Variants in SLC30A9 observed in about 807,000 individuals in gnomAD.
SLC30A9 encodes solute carrier family 30 member 9, also known as proton-coupled zinc antiporter SLC30A9, mitochondrial.
Under a neutral mutation model 87.5 loss-of-function variants are expected in SLC30A9, and 58 were observed. That is an observed-to-expected ratio of 0.66 (90% confidence interval 0.54 to 0.82). SLC30A9 has a LOEUF of 0.82. Among genes scored for constraint, SLC30A9 ranks in the 40% least tolerant of loss-of-function variants. SLC30A9 has a pLI of 0.00. For synonymous variants in SLC30A9, 234 were observed against 233.0 expected, an observed-to-expected ratio of 1.00 and a Z score of -0.04; for missense variants, 557 against 679.1, an observed-to-expected ratio of 0.82 and a Z score of 2.00.
intron 17 of SLC30A9, among the ~76,000 whole-genome samples, chr4:42,082,462 C>G (rs1718776544): frequency 1.3e-5 from 2 of 152,106 alleles, no homozygotes. Context: ...TTTGGGAGGT[C>G]ACACTCATTT....
intron 11 of SLC30A9, among the ~76,000 whole-genome samples, chr4:42,063,625 G>T (rs959438210): frequency 7.2e-5 from 11 of 152,314 alleles, no homozygotes; most frequent in African/African-American, 2.6e-4. Context: ...TGGGGCTTCT[G>T]CCCCTCTCTC....
chr4:42,070,770 C>A, intron 15 of SLC30A9, 79 bp downstream of exon 15: 1 of 1,223,464 alleles, frequency 8.2e-7, no homozygotes, highest in African/African-American at 1.5e-5. Context: ...GTAAATACTT[C>A]CAGAGGAAGT....
chr4:42,014,438 T>G (rs1049627814), intron 2 of SLC30A9, among the ~76,000 whole-genome samples: 3 of 151,884 alleles, frequency 2.0e-5, no homozygotes, highest in Non-Finnish European at 4.4e-5. Flanking sequence ...GTGCCTGTAG[T>G]CCCAGCTACT....
intron 9 of SLC30A9, among the ~76,000 whole-genome samples, chr4:42,056,828 G>A (rs1181422186): frequency 6.6e-6 from 1 of 152,154 alleles, no homozygotes; most frequent in African/African-American, 2.4e-5. Flanking sequence ...CAGGCATTGG[G>A]TAAATACAGA....
chr4:42,023,951 A>AT (rs531997157), intron 6 of SLC30A9, among the ~76,000 whole-genome samples: 18 of 152,230 alleles, frequency 1.2e-4, no homozygotes, highest in Admixed American at 9.8e-4. Context: ...TGAGAACAGT[A>AT]TGGGGGAGAC....
intron 7 of SLC30A9, among the ~76,000 whole-genome samples, chr4:42,037,331 A>C (rs1345093752): frequency 1.4e-5 from 2 of 139,964 alleles, no homozygotes; most frequent in Non-Finnish European, 3.0e-5. Context: ...TGAGAACTCC[A>C]ATAATGAGAT....
At position 42,070,701 on chromosome 4, in the gene SLC30A9, A is replaced by T. The variant is rs754653137; in HGVS notation, c.1418+10A>T. On this transcript the variant is annotated intron_variant, in intron 15 of 17. Transcript: ENST00000264451. ...ATGACCCATCAGTAAGGTCAGCCTT[A>T]TTCCAGTAATCCTGTTAAGGCTTAC... The T allele has an allele frequency of 6.2e-7, 1 of 1,609,552 alleles. No homozygotes were observed. Among genetic ancestry groups the T allele is most frequent in the Non-Finnish European group, 8.5e-7 (1 of 1,177,448 alleles).
At chr4:42,005,762 G>C (rs1432502271) in intron 2 of SLC30A9, among the ~76,000 whole-genome samples, 1 of 152,042 alleles carries the variant, frequency 6.6e-6, no homozygotes, top group Non-Finnish European at 1.5e-5. Context: ...AAAAGATTTT[G>C]CTTGGGGTAC....
intron 2 of SLC30A9, among the ~76,000 whole-genome samples, chr4:42,015,216 T>C (rs1715661432): frequency 6.6e-6 from 1 of 151,666 alleles, no homozygotes; most frequent in Admixed American, 6.6e-5. Flanking sequence ...AAAAGCAAAT[T>C]TAAACAAAAA....
chr4:42,081,965 C>T (rs1002562882), intron 17 of SLC30A9, among the ~76,000 whole-genome samples: 1 of 152,106 alleles, frequency 6.6e-6, no homozygotes, highest in African/African-American at 2.4e-5. Context: ...TGCCTGTAAT[C>T]CCAGCACTTT....
At chr4:42,062,118 C>T (rs942998286) in intron 10 of SLC30A9, among the ~76,000 whole-genome samples, 4 of 150,464 alleles carry the variant, frequency 2.7e-5, no homozygotes, top group South Asian at 2.1e-4. Flanking sequence ...CATTTGTACT[C>T]GGGAGGTGGA....
At chr4:42,041,267 A>G (rs1716910663) in intron 8 of SLC30A9, among the ~76,000 whole-genome samples, 1 of 152,158 alleles carries the variant, frequency 6.6e-6, no homozygotes, top group Non-Finnish European at 1.5e-5. Context: ...AGGAGTGTCA[A>G]GAAAGCCAAG....
chr4:42,060,075 T>TG, intron 9 of SLC30A9, 116 bp from the exon 10 acceptor site: 1 of 750,102 alleles, frequency 1.3e-6, no homozygotes, highest in African/African-American at 1.7e-5. Flanking sequence ...TCATTGGACA[T>TG]GCATATGTTG....
At chr4:42,065,621 A>T (rs1303664483) in intron 12 of SLC30A9, among the ~76,000 whole-genome samples, 1 of 152,188 alleles carries the variant, frequency 6.6e-6, no homozygotes, top group Non-Finnish European at 1.5e-5. Flanking sequence ...AGCTGCTAGG[A>T]TAGGCTCAAG....
intron 9 of SLC30A9, among the ~76,000 whole-genome samples, chr4:42,057,775 T>G (rs1012622855): frequency 6.6e-6 from 1 of 152,212 alleles, no homozygotes; most frequent in African/African-American, 2.4e-5. Context: ...AGGCTGCAAA[T>G]TTTTGAAACT....
intron 17 of SLC30A9, among the ~76,000 whole-genome samples, chr4:42,081,445 T>TA (rs971381027): frequency 8.5e-5 from 13 of 152,210 alleles, no homozygotes; most frequent in South Asian, 6.2e-4. Context: ...GTCAGCATAG[T>TA]AAAAAAAGCA....
At chr4:42,066,715 C>A in intron 13 of SLC30A9, 94 bp downstream of exon 13, 3 of 743,556 alleles carry the variant, frequency 4.0e-6, no homozygotes, top group Non-Finnish European at 4.5e-6. Flanking sequence ...TAGAAATGTA[C>A]AAAATATATC....
chr4:42,029,889 A>G (rs1021046023), intron 6 of SLC30A9: 32 of 704,794 alleles, frequency 4.5e-5, no homozygotes, highest in Admixed American at 9.0e-5. Context: ...TAAAAATAGA[A>G]ATGTGGAGTA....
At chr4:42,025,800 G>A (rs1004205522) in intron 6 of SLC30A9, among the ~76,000 whole-genome samples, 1 of 152,050 alleles carries the variant, frequency 6.6e-6, no homozygotes, top group Non-Finnish European at 1.5e-5. Context: ...CAAGTAGCTA[G>A]GACTACAGGC....
Sources: gnomAD v4.1 joint callset for allele counts (sites outside exome capture counted in the v4.1 genomes callset) on GRCh38, gnomAD v4.1.1 for gene constraint, MANE v1.5 for transcripts, NCBI Gene and HGNC (gene_info 2026-07-23, HGNC 2026-07-21) for gene names.